The following CYP20A1 variants were observed in gnomAD, a reference collection of about 807,000 sequenced individuals.
CYP20A1 encodes cytochrome P450 family 20 subfamily A member 1, also known as cytochrome P450 20A1.
In CYP20A1, 61 loss-of-function variants were observed where a neutral mutation model predicts 61.4. The observed-to-expected ratio is 0.99, with a 90% CI of 0.81 to 1.23. The LOEUF (loss-of-function observed/expected upper bound fraction) is 1.23, where lower values mean the gene tolerates loss of function less well. CYP20A1 is among the 50% of genes most tolerant of loss of function. The probability of loss-of-function intolerance (pLI) is 0.00; values close to 1 mark genes in which losing one functional copy is unlikely to be tolerated. For missense variants in CYP20A1, 530 were observed against 542.4 expected, an observed-to-expected ratio of 0.98 and a Z score of 0.23; for synonymous variants, 193 against 188.2, an observed-to-expected ratio of 1.03 and a Z score of -0.21.
intron 3 of CYP20A1, among the ~76,000 whole-genome samples, chr2:203,248,360 C>A (rs535242100): frequency 1.3e-5 from 2 of 152,084 alleles, no homozygotes; most frequent in Non-Finnish European, 1.5e-5. Flanking sequence ...ATGGTAAAAC[C>A]CTGTCGCTAC....
intron 5 of CYP20A1, among the ~76,000 whole-genome samples, chr2:203,266,944 G>A (rs2067349480): frequency 6.6e-6 from 1 of 152,080 alleles, no homozygotes; most frequent in Non-Finnish European, 1.5e-5. Flanking sequence ...TCATGCCACT[G>A]CACTCCAGCC....
chr2:203,256,120 T>A (rs1310710445), intron 4 of CYP20A1, among the ~76,000 whole-genome samples: 1 of 151,218 alleles, frequency 6.6e-6, no homozygotes, highest in African/African-American at 2.4e-5. Flanking sequence ...TGTGCCACCA[T>A]GCCTGGCTAG....
rs10207012 is a variant in CYP20A1 at position 203,260,328 on chromosome 2, T to A, written c.433-6186T>A. Among the ~76,000 whole-genome samples the A allele has an allele frequency of 2.6e-3, 396 of 152,212 alleles. 2 individuals are homozygous for A. The highest frequency in any genetic ancestry group is 9.0e-3 in the African/African-American group (373 of 41,534). ...ACCTCCACCTCGCGGGTTCAAGCAG[T>A]TCTTGTGCCTCAGCCTCCCAAGTAG... On this transcript the variant is annotated intron_variant, in intron 4 of 12. Coordinates refer to ENST00000356079, the MANE Select transcript of CYP20A1 (RefSeq NM_177538.3).
At chr2:203,278,540 G>C in intron 6 of CYP20A1, 33 bp from the exon 7 acceptor site, 1 of 1,066,756 alleles carries the variant, frequency 9.4e-7, no homozygotes, top group Non-Finnish European at 1.4e-6. Context: ...ACTAATGCTT[G>C]TATTCTAAAA....
Position 203,280,622 on chromosome 2 carries a change from G to A in CYP20A1, c.850+509G>A, listed in dbSNP as rs2068004789. Among the ~76,000 whole-genome samples the A allele has an allele frequency of 2.6e-5, 4 of 152,340 alleles. No individual in the cohort carries two copies. The South Asian group carries it at 8.3e-4, about 32-fold the overall frequency. ...AAGCTGAGGCAGGATCATCACTTGA[G>A]CCCAAGAGATTGAAGCTGCAGTGAG... On this transcript the variant is annotated intron_variant, in intron 8 of 12. Transcript: ENST00000356079.
chr2:203,302,218 T>C lies in CYP20A1; in HGVS notation c.*5310T>C, dbSNP rs1186328190. Among the ~76,000 whole-genome samples the C allele has an allele frequency of 6.6e-6, 1 of 151,504 alleles. No individual in the cohort carries two copies. The highest frequency in any genetic ancestry group is 1.5e-5 in the Non-Finnish European group (1 of 67,896). ...CTGGGATTACAGGCATGGGGCACCATGCCCAGCCCCACTGTTAAGATTCTA... is the reference window on the plus strand; with the variant it reads ...CTGGGATTACAGGCATGGGGCACCACGCCCAGCCCCACTGTTAAGATTCTA... On this transcript the variant is annotated 3_prime_UTR_variant, in exon 13 of 13. Coordinates refer to ENST00000356079, the MANE Select transcript of CYP20A1 (RefSeq NM_177538.3).
intron 11 of CYP20A1, among the ~76,000 whole-genome samples, chr2:203,293,195 A>T (rs543299370): frequency 5.7e-4 from 84 of 148,292 alleles, no homozygotes; most frequent in African/African-American, 1.6e-3. Flanking sequence ...AAAAATTTTT[A>T]AAAAAGCAGA....
At position 203,239,148 on chromosome 2, in the gene CYP20A1, T is replaced by G. The variant is rs1288924200; in HGVS notation, c.72+14T>G. 9.3e-6 allele frequency: 15 copies of G among 1,610,090 alleles called. No individual in the cohort carries two copies. Among genetic ancestry groups the G allele is most frequent in the Non-Finnish European group, 1.2e-5 (14 of 1,177,830 alleles). ...TACCTCTATCCGGTGAGCGCCGTCTTGGCTCTCTGGGGCCCCGGGCGCCGC... is the reference window on the plus strand; with the variant it reads ...TACCTCTATCCGGTGAGCGCCGTCTGGGCTCTCTGGGGCCCCGGGCGCCGC... On this transcript the variant is annotated intron_variant, in intron 1 of 12. Transcript: ENST00000356079.
At chr2:203,246,656 G>A (rs2066466920) in intron 2 of CYP20A1, 99 bp from the exon 3 acceptor site, 1 of 1,135,456 alleles carries the variant, frequency 8.8e-7, no homozygotes, top group African/African-American at 2.2e-5. Flanking sequence ...ATGAACCTTT[G>A]TTCTCATTTA....
intron 3 of CYP20A1, among the ~76,000 whole-genome samples, chr2:203,248,604 C>T (rs1429039357): frequency 6.6e-6 from 1 of 151,966 alleles, no homozygotes; most frequent in African/African-American, 2.4e-5. Context: ...GTTCAGAAGA[C>T]AAACCAAATA....
Position 203,252,029 on chromosome 2 carries a change from A to G in CYP20A1, c.352A>G (p.Ser118Gly), listed in dbSNP as rs112381255. The G allele has an allele frequency of 3.3e-5, 53 of 1,611,228 alleles. 1 individual carries two copies. In the African/African-American group the frequency reaches 4.4e-4, roughly 13 times the overall value. The change falls in exon 4 of 13, where the codon AGT (serine) becomes GGT (glycine). Residue 118 changes from serine to glycine, a missense_variant. Coordinates refer to ENST00000356079, the MANE Select transcript of CYP20A1 (RefSeq NM_177538.3). ...LRYQSGGGSV[S>G]ENHMRKKLYE... is the part of the protein sequence containing the mutation. ...GTATCAATCTGGTGGTGGCAGTGTG[A>G]GTGAAAACCACATGAGGAAAAAATT...
At chr2:203,295,882 G>C (rs1365615565) in intron 11 of CYP20A1, among the ~76,000 whole-genome samples, 2 of 152,084 alleles carry the variant, frequency 1.3e-5, no homozygotes, top group African/African-American at 4.8e-5. Flanking sequence ...CTGGGATGTG[G>C]TGGTTGCAAT....
At chr2:203,293,437 G>A (rs1054655602) in intron 11 of CYP20A1, among the ~76,000 whole-genome samples, 4 of 149,294 alleles carry the variant, frequency 2.7e-5, no homozygotes, top group Non-Finnish European at 4.4e-5. Flanking sequence ...GGATGGTCTC[G>A]ATCTCCTGAC....
intron 4 of CYP20A1, among the ~76,000 whole-genome samples, chr2:203,263,302 T>TA (rs1386522556): frequency 6.7e-6 from 1 of 148,380 alleles, no homozygotes; most frequent in Non-Finnish European, 1.5e-5. Context: ...TTTTTTTTTT[T>TA]AAATTTTAGG....
chr2:203,294,316 T>A (rs1055564644), intron 11 of CYP20A1, among the ~76,000 whole-genome samples: 1 of 151,888 alleles, frequency 6.6e-6, no homozygotes, highest in African/African-American at 2.4e-5. Context: ...GGCGGGCAGA[T>A]CACCTGAGGT....
intron 4 of CYP20A1, among the ~76,000 whole-genome samples, chr2:203,257,149 C>CAA (rs939628433): frequency 7.2e-6 from 1 of 139,302 alleles, no homozygotes. Flanking sequence ...CCTGTCTCTA[C>CAA]AAAAAAAAAA....
At position 203,294,283 on chromosome 2, in the gene CYP20A1, A is replaced by G. The variant is rs2068676372; in HGVS notation, c.1148+1957A>G. On this transcript the variant is annotated intron_variant, in intron 11 of 12. Coordinates refer to ENST00000356079, the MANE Select transcript of CYP20A1 (RefSeq NM_177538.3). ...AATGGGCTGGGCACAATAACCTGTAATCCCAGCACTTTGGGAGGCCGAGGC... is the reference window on the plus strand; with the variant it reads ...AATGGGCTGGGCACAATAACCTGTAGTCCCAGCACTTTGGGAGGCCGAGGC... Among the ~76,000 whole-genome samples the G allele has an allele frequency of 2.0e-5, 3 of 152,000 alleles. No homozygotes were observed. The South Asian group carries it at 6.2e-4, about 31-fold the overall frequency.
chr2:203,271,500 A>G (rs533224386), intron 5 of CYP20A1, among the ~76,000 whole-genome samples: 4 of 152,304 alleles, frequency 2.6e-5, no homozygotes, highest in East Asian at 1.9e-4. Context: ...CCATTGTTTA[A>G]TAAGTGTTGT....
intron 8 of CYP20A1, among the ~76,000 whole-genome samples, chr2:203,281,304 T>A (rs1490860949): frequency 4.0e-5 from 6 of 151,866 alleles, no homozygotes; most frequent in Non-Finnish European, 8.8e-5. Flanking sequence ...CCCAGAAATT[T>A]GGGACCAGCC....
Sources: gnomAD v4.1 joint callset for allele counts (sites outside exome capture counted in the v4.1 genomes callset) on GRCh38, gnomAD v4.1.1 for gene constraint, MANE v1.5 for transcripts, NCBI Gene and HGNC (gene_info 2026-07-23, HGNC 2026-07-21) for gene names.